The following NHEJ1 variants were observed in gnomAD, a reference collection of about 807,000 sequenced individuals.
The protein encoded by NHEJ1 is non-homologous end joining factor 1.
Under a neutral mutation model 39.4 loss-of-function variants are expected in NHEJ1, and 22 were observed. That is an observed-to-expected ratio of 0.56 (90% CI 0.40 to 0.80). NHEJ1 has a LOEUF of 0.80. NHEJ1 is among the 30% of genes least tolerant of loss of function. The pLI, the probability that NHEJ1 is intolerant of heterozygous loss-of-function variation, is 0.00. For synonymous variants in NHEJ1, 154 were observed against 135.6 expected, an observed-to-expected ratio of 1.14 and a Z score of -0.94; for missense variants, 329 against 357.1, an observed-to-expected ratio of 0.92 and a Z score of 0.63.
chr2:219,128,564 G>C (rs770943416), intron 5 of NHEJ1, among the ~76,000 whole-genome samples: 2 of 152,076 alleles, frequency 1.3e-5, no homozygotes, highest in African/African-American at 2.4e-5. Flanking sequence ...AGGAGGGCAG[G>C]AGTTGGCGGC....
intron 5 of NHEJ1, among the ~76,000 whole-genome samples, chr2:219,138,889 T>C (rs755454923): frequency 7.9e-5 from 12 of 152,204 alleles, no homozygotes; most frequent in South Asian, 4.1e-4. Flanking sequence ...TATGTAGATA[T>C]GTCTCCAAAT....
At chr2:219,087,574 C>T (rs985455904) in intron 5 of NHEJ1, among the ~76,000 whole-genome samples, 3 of 152,152 alleles carry the variant, frequency 2.0e-5, no homozygotes, top group African/African-American at 7.2e-5. Flanking sequence ...ACTCCCTGCC[C>T]CCATCCCGCC....
intron 5 of NHEJ1, among the ~76,000 whole-genome samples, chr2:219,124,017 G>A (rs959682303): frequency 2.0e-5 from 3 of 152,206 alleles, no homozygotes; most frequent in African/African-American, 7.2e-5. Flanking sequence ...AGGAGGAATC[G>A]AAATTGTTAG....
intron 5 of NHEJ1, among the ~76,000 whole-genome samples, chr2:219,130,415 G>A (rs1363614522): frequency 1.3e-5 from 2 of 152,106 alleles, no homozygotes; most frequent in Non-Finnish European, 2.9e-5. Context: ...CAGACCCAGA[G>A]GTATTAGGGC....
chr2:219,119,983 A>G (rs1023330061), intron 5 of NHEJ1, among the ~76,000 whole-genome samples: 8 of 152,206 alleles, frequency 5.3e-5, no homozygotes, highest in African/African-American at 1.9e-4. Flanking sequence ...AAATTACTAT[A>G]TCACACTGTT....
chr2:219,098,830 G>A (rs1377117648), intron 5 of NHEJ1, among the ~76,000 whole-genome samples: 2 of 152,178 alleles, frequency 1.3e-5, no homozygotes, highest in African/African-American at 4.8e-5. Context: ...AAACTAGTCA[G>A]CATGGTTTTA....
chr2:219,105,660 T>TC (rs1949306877), intron 5 of NHEJ1, among the ~76,000 whole-genome samples: 1 of 152,226 alleles, frequency 6.6e-6, no homozygotes, highest in East Asian at 1.9e-4. Context: ...GTTCATTCTG[T>TC]CTAATACACT....
At chr2:219,115,029 G>A (rs1313564247) in intron 5 of NHEJ1, among the ~76,000 whole-genome samples, 1 of 152,062 alleles carries the variant, frequency 6.6e-6, no homozygotes. Flanking sequence ...CAGGCATTGG[G>A]GGCCTCCGAC....
intron 4 of NHEJ1, among the ~76,000 whole-genome samples, chr2:219,146,967 T>A (rs1445380539): frequency 6.6e-6 from 1 of 151,470 alleles, no homozygotes. Context: ...GCTCTAGGAG[T>A]TTTTCCTGCC....
At chr2:219,147,325 C>CA (rs969663234) in intron 4 of NHEJ1, among the ~76,000 whole-genome samples, 3 of 152,032 alleles carry the variant, frequency 2.0e-5, no homozygotes, top group Non-Finnish European at 2.9e-5. Context: ...ATTAAAAATA[C>CA]AAAAAAATTA....
intron 3 of NHEJ1, among the ~76,000 whole-genome samples, chr2:219,151,851 C>T (rs1322042922): frequency 6.6e-6 from 1 of 151,988 alleles, no homozygotes; most frequent in Non-Finnish European, 1.5e-5. Flanking sequence ...ACCTGTAGTC[C>T]CAGCTACTCA....
chr2:219,101,975 C>A (rs576459595), intron 5 of NHEJ1, among the ~76,000 whole-genome samples: 1 of 151,946 alleles, frequency 6.6e-6, no homozygotes, highest in African/African-American at 2.4e-5. Context: ...CCGCCCGCCT[C>A]GGCTTCCCAA....
rs959435178 is a variant in NHEJ1 at position 219,071,769 on chromosome 2, T to C, written c.*4612A>G. 6.6e-6 allele frequency among the ~76,000 whole-genome samples: 1 copy of C among 152,224 alleles called. No individual in the cohort carries two copies. The highest frequency in any genetic ancestry group is 1.5e-5 in the Non-Finnish European group (1 of 68,032). ...CACCCTGGAGCTCTTCCAGTGCTTC[T>C]TCCGGGTTCCCCTGGTAGGCTGGCC... On this transcript the variant is annotated 3_prime_UTR_variant, in exon 8 of 8. Coordinates refer to ENST00000356853, the MANE Select transcript of NHEJ1 (RefSeq NM_024782.3).
At chr2:219,082,874 T>A (rs1485586260) in intron 5 of NHEJ1, among the ~76,000 whole-genome samples, 1 of 152,176 alleles carries the variant, frequency 6.6e-6, no homozygotes, top group Non-Finnish European at 1.5e-5. Context: ...GGAGCCCAGG[T>A]CTCCATTCAA....
chr2:219,120,574 G>A (rs1339553924), intron 5 of NHEJ1, among the ~76,000 whole-genome samples: 1 of 152,148 alleles, frequency 6.6e-6, no homozygotes, highest in Non-Finnish European at 1.5e-5. Flanking sequence ...GCATGCCAGT[G>A]TCCAAGGTCA....
rs1330132130 is a variant in NHEJ1 at position 219,080,628 on chromosome 2, AATATATATAAGCTT to A, written c.589-2436_589-2423del. On this transcript the variant is annotated intron_variant, in intron 5 of 7. Coordinates refer to ENST00000356853, the MANE Select transcript of NHEJ1 (RefSeq NM_024782.3). ...ATATATATAAGCTTATATATATGCT[AATATATATAAGCTT>A]ATATATATGCTAATATATATAAGCT... Among the ~76,000 whole-genome samples, 253 of 142,416 alleles carry A rather than the reference AATATATATAAGCTT, an allele frequency of 1.8e-3. 1 individual carries two copies. Among genetic ancestry groups the A allele is most frequent in the Middle Eastern group, 7.2e-3 (2 of 278 alleles). The allele number at this position is 142,416 out of a possible 152,430, so 93.4% of individuals were successfully genotyped here. A position where few individuals can be genotyped will look rare whatever the true frequency, so the allele number is the denominator to read the frequency against.
intron 3 of NHEJ1, among the ~76,000 whole-genome samples, chr2:219,150,732 G>C (rs897027176): frequency 6.6e-6 from 1 of 152,092 alleles, no homozygotes; most frequent in African/African-American, 2.4e-5. Context: ...GAGGCAAGTG[G>C]ATCACCTGAG....
intron 5 of NHEJ1, among the ~76,000 whole-genome samples, chr2:219,144,448 T>C (rs867917335): frequency 6.6e-5 from 10 of 151,870 alleles, no homozygotes; most frequent in Admixed American, 2.6e-4. Context: ...TCCAAGGTAC[T>C]ATAGTAGCAG....
Position 219,147,677 on chromosome 2 carries a change from C to G in NHEJ1, c.509G>C (p.Ser170Thr), listed in dbSNP as rs371400946. ...CTTACCTCGAATCAGCGTAGCCCCACTCTCCTGGTAGTCTTGGATCTCTAG... is the reference window on the plus strand; with the variant it reads ...CTTACCTCGAATCAGCGTAGCCCCAGTCTCCTGGTAGTCTTGGATCTCTAG... ...KDLEIQDYQE[S>T]GATLIRDRLK... Residue 170 changes from serine (S) to threonine (T), a missense_variant, in exon 4 of 8, where the codon AGT becomes ACT. By Grantham distance (58) the Ser-to-Thr change is moderately conservative (BLOSUM62 1). Coordinates refer to ENST00000356853, the MANE Select transcript of NHEJ1 (RefSeq NM_024782.3). The G allele has an allele frequency of 1.9e-6, 3 of 1,614,118 alleles. No homozygotes were observed. Among genetic ancestry groups the G allele is most frequent in the African/African-American group, 2.7e-5 (2 of 74,930 alleles).
Sources: gnomAD v4.1 joint callset for allele counts (sites outside exome capture counted in the v4.1 genomes callset) on GRCh38, gnomAD v4.1.1 for gene constraint, MANE v1.5 for transcripts, NCBI Gene and HGNC (gene_info 2026-07-23, HGNC 2026-07-21) for gene names.